GPC5: variants seen among roughly 807,000 people sequenced by gnomAD.
GPC5 encodes glypican-5.
GPC5 carries 47 observed loss-of-function variants against 53.9 expected under a neutral mutation model. That is an observed-to-expected ratio of 0.87 (90% CI 0.69 to 1.11). The LOEUF (loss-of-function observed/expected upper bound fraction) is 1.11, where lower values mean the gene tolerates loss of function less well. Among genes scored for constraint, GPC5 ranks in the 50% most tolerant of loss-of-function variants. The probability of loss-of-function intolerance (pLI) is 0.00; values close to 1 mark genes in which losing one functional copy is unlikely to be tolerated. For synonymous variants in GPC5, 286 were observed against 263.3 expected (o/e 1.09, Z -0.84); for missense variants, 748 against 713.1 (o/e 1.05, Z -0.56).
intron 5 of GPC5, among the ~76,000 whole-genome samples, chr13:91,864,765 G>A (rs1164518223): frequency 6.6e-6 from 1 of 152,106 alleles, no homozygotes; most frequent in Non-Finnish European, 1.5e-5. Flanking sequence ...TTCAAGTTAA[G>A]TAATTCTAAG....
chr13:92,423,340 G>A (rs549614360), intron 7 of GPC5, among the ~76,000 whole-genome samples: 1 of 152,262 alleles, frequency 6.6e-6, no homozygotes, highest in South Asian at 2.1e-4. Flanking sequence ...TGAGTAGTAG[G>A]TATGCACAGC....
intron 7 of GPC5, among the ~76,000 whole-genome samples, chr13:92,665,142 A>C (rs2139194671): frequency 6.6e-6 from 1 of 152,258 alleles, no homozygotes; most frequent in Admixed American, 6.5e-5. Context: ...GGGGCTTGAA[A>C]ATGATAATTT....
chr13:92,042,695 C>T (rs539667366), intron 6 of GPC5, among the ~76,000 whole-genome samples: 19 of 152,010 alleles, frequency 1.2e-4, no homozygotes, highest in African/African-American at 3.6e-4. Flanking sequence ...ATGAGATATG[C>T]GAAAACAGGA....
chr13:91,729,543 C>A (rs1189854699), intron 4 of GPC5, among the ~76,000 whole-genome samples: 1 of 152,046 alleles, frequency 6.6e-6, no homozygotes, highest in Non-Finnish European at 1.5e-5. Flanking sequence ...AATCTAAAAT[C>A]TGTTTCTTTC....
intron 7 of GPC5, among the ~76,000 whole-genome samples, chr13:92,238,114 C>T (rs537930433): frequency 1.8e-4 from 28 of 151,896 alleles, no homozygotes; most frequent in South Asian, 8.3e-4. Flanking sequence ...GTTATAAAAA[C>T]GCTCCTATGA....
At chr13:92,242,232 CAAAAAA>C (rs752173365) in intron 7 of GPC5, among the ~76,000 whole-genome samples, 1 of 81,878 alleles carries the variant, frequency 1.2e-5, no homozygotes, top group African/African-American at 3.8e-5. Flanking sequence ...GACTCTGTCT[CAAAAAA>C]AAAAAAAAAA....
chr13:91,405,634 C>T (rs1449432558), intron 1 of GPC5, among the ~76,000 whole-genome samples: 1 of 152,132 alleles, frequency 6.6e-6, no homozygotes, highest in Non-Finnish European at 1.5e-5. Flanking sequence ...GGTCTTTTGC[C>T]ACTAGGTTGT....
chr13:91,691,546 C>T (rs776408870), intron 2 of GPC5, among the ~76,000 whole-genome samples: 4 of 152,134 alleles, frequency 2.6e-5, no homozygotes, highest in Admixed American at 6.6e-5. Flanking sequence ...CTCTACCTAA[C>T]AATTTATACG....
At chr13:92,805,870 A>G (rs1329958565) in intron 7 of GPC5, among the ~76,000 whole-genome samples, 1 of 152,046 alleles carries the variant, frequency 6.6e-6, no homozygotes, top group Non-Finnish European at 1.5e-5. Context: ...TAAATTTAGC[A>G]TAATTGTTAA....
chr13:92,647,202 G>A (rs1885802007), intron 7 of GPC5, among the ~76,000 whole-genome samples: 1 of 151,978 alleles, frequency 6.6e-6, no homozygotes, highest in Admixed American at 6.6e-5. Context: ...TTCAACCTTA[G>A]GGGATATTCC....
At chr13:91,485,873 A>C (rs1422201700) in intron 2 of GPC5, 1 of 152,212 alleles carries the variant, frequency 6.6e-6, no homozygotes, top group African/African-American at 2.4e-5. Flanking sequence ...TGCCACAGCA[A>C]TTGGTTTGAT....
chr13:91,552,638 A>G (rs1855907), intron 2 of GPC5, among the ~76,000 whole-genome samples: 130,780 of 152,058 alleles, frequency 0.86, 57,625 homozygotes, highest in East Asian at 1. Flanking sequence ...ACTGCAGCAG[A>G]AGCATGTCCT....
chr13:91,512,669 C>T (rs1010174972), intron 2 of GPC5, among the ~76,000 whole-genome samples: 4 of 152,258 alleles, frequency 2.6e-5, no homozygotes, highest in African/African-American at 9.6e-5. Context: ...ATGGTAATCT[C>T]TCATGAGAGC....
chr13:91,980,431 C>T (rs190381296), intron 6 of GPC5, among the ~76,000 whole-genome samples: 26 of 152,236 alleles, frequency 1.7e-4, no homozygotes, highest in Admixed American at 1.6e-3. Flanking sequence ...TATATACACT[C>T]ACGGAACCAC....
intron 6 of GPC5, among the ~76,000 whole-genome samples, chr13:91,913,257 G>A (rs1443449167): frequency 6.6e-6 from 1 of 151,916 alleles, no homozygotes; most frequent in African/African-American, 2.4e-5. Flanking sequence ...AAATTAGCTG[G>A]GCATTGTGGC....
At chr13:92,637,134 G>A (rs1594370794) in intron 7 of GPC5, among the ~76,000 whole-genome samples, 1 of 152,244 alleles carries the variant, frequency 6.6e-6, no homozygotes, top group East Asian at 1.9e-4. Flanking sequence ...TCTCCTAATA[G>A]TCCTATCCAT....
At chr13:91,495,084 T>G (rs1884174169) in intron 2 of GPC5, among the ~76,000 whole-genome samples, 1 of 152,214 alleles carries the variant, frequency 6.6e-6, no homozygotes, top group African/African-American at 2.4e-5. Context: ...CTTGCTTCAC[T>G]GAAAATCTTG....
intron 7 of GPC5, among the ~76,000 whole-genome samples, chr13:92,523,117 C>T (rs935146922): frequency 6.6e-6 from 1 of 152,102 alleles, no homozygotes; most frequent in Admixed American, 6.6e-5. Flanking sequence ...AACAAGACTT[C>T]TTTGATGATT....
chr13:92,021,407 A>G (rs2040757239), intron 6 of GPC5, among the ~76,000 whole-genome samples: 2 of 152,216 alleles, frequency 1.3e-5, no homozygotes, highest in South Asian at 4.1e-4. Context: ...TTCCACTTAT[A>G]TGAGATATCT....
Sources: allele counts gnomAD v4.1 joint callset (sites outside exome capture counted in the v4.1 genomes callset), GRCh38; gene constraint gnomAD v4.1.1; transcripts MANE v1.5; gene names NCBI Gene and HGNC (gene_info 2026-07-23, HGNC 2026-07-21).